Variants in NRXN3 observed in about 807,000 individuals in gnomAD.
NRXN3 encodes neurexin 3.
A neutral mutation model predicts 137.6 loss-of-function variants in NRXN3; 32 were observed. The ratio of observed to expected loss-of-function variants is 0.23; its 90% CI spans 0.18 to 0.31. The LOEUF (loss-of-function observed/expected upper bound fraction) is 0.31, where lower values mean the gene tolerates loss of function less well. Ranked by LOEUF, NRXN3 falls within the 10% of genes least tolerant of loss-of-function variation. NRXN3 has a pLI of 1.00. For missense variants in NRXN3, 1,574 were observed against 2,062.5 expected (o/e 0.76, Z 4.59); for synonymous variants, 798 against 784.5 (o/e 1.02, Z -0.29).
chr14:79,774,056 G>T (rs1399535565), intron 19 of NRXN3, among the ~76,000 whole-genome samples: 1 of 152,144 alleles, frequency 6.6e-6, no homozygotes, highest in Non-Finnish European at 1.5e-5. Flanking sequence ...ACTGTTCGCT[G>T]GCAGGAATGT....
At chr14:78,196,411 G>A (rs1361499518) in intron 1 of NRXN3, among the ~76,000 whole-genome samples, 5 of 152,222 alleles carry the variant, frequency 3.3e-5, no homozygotes, top group African/African-American at 1.2e-4. Context: ...GTTTATCTTG[G>A]TGATGAAAAG....
intron 15 of NRXN3, among the ~76,000 whole-genome samples, chr14:79,325,182 C>T (rs554790753): frequency 6.6e-6 from 1 of 152,044 alleles, no homozygotes; most frequent in East Asian, 1.9e-4. Flanking sequence ...TTGCTTACTT[C>T]TTTCCTTTAA....
intron 15 of NRXN3, among the ~76,000 whole-genome samples, chr14:79,302,597 TC>T (rs1467015782): frequency 1.3e-5 from 2 of 151,868 alleles, no homozygotes; most frequent in African/African-American, 4.8e-5. Flanking sequence ...TGAATTGCAA[TC>T]CCCATGTGCA....
chr14:79,526,861 A>T (rs2097125112), intron 16 of NRXN3, among the ~76,000 whole-genome samples: 1 of 152,260 alleles, frequency 6.6e-6, no homozygotes. Context: ...ATACAAAAAA[A>T]GAAAAGCCTC....
intron 15 of NRXN3, among the ~76,000 whole-genome samples, chr14:79,036,837 A>C (rs957272409): frequency 2.0e-5 from 3 of 151,952 alleles, no homozygotes; most frequent in Admixed American, 1.3e-4. Flanking sequence ...ACCAAAATGA[A>C]TGGAAGGGAA....
chr14:79,325,386 C>A (rs2090701465), intron 15 of NRXN3, among the ~76,000 whole-genome samples: 1 of 152,164 alleles, frequency 6.6e-6, no homozygotes. Context: ...ATGCTACATC[C>A]CACTTTACTC....
chr14:78,469,057 C>T (rs12435130), intron 4 of NRXN3, among the ~76,000 whole-genome samples: 14,259 of 152,032 alleles, frequency 0.094, 1,274 homozygotes, highest in African/African-American at 0.24. Context: ...TGGGACTCTT[C>T]CCACAAGGAG....
Position 78,243,380 on chromosome 14 carries a change from C to A in NRXN3, c.287C>A (p.Thr96Asn). 6.4e-7 allele frequency: 1 copy of A among 1,564,962 alleles called. No homozygotes were observed. Among genetic ancestry groups the A allele is most frequent in the South Asian group, 1.2e-5 (1 of 86,362 alleles). The change falls in exon 2 of 21, where the codon ACT (threonine) becomes AAT (asparagine). Residue 96 changes from threonine to asparagine, a missense_variant. By Grantham distance (65) the Thr-to-Asn change is moderately conservative. Coordinates refer to ENST00000335750, the MANE Select transcript of NRXN3 (RefSeq NM_001330195.2). The surrounding 1 kb of genome is among the most constrained non-coding windows in gnomAD (Gnocchi z 4.2). Reference sequence around the variant, plus strand: ...CGCTTCAGCATGGACTGTGCCGAGACTGCCGTGCTGTCCAACAAGCAGGTG... The same window carrying A: ...CGCTTCAGCATGGACTGTGCCGAGAATGCCGTGCTGTCCAACAAGCAGGTG... ...QLRFSMDCAE[T>N]AVLSNKQVND... is the part of the protein sequence containing the mutation.
At chr14:79,743,423 G>A (rs943852649) in intron 19 of NRXN3, among the ~76,000 whole-genome samples, 3 of 152,116 alleles carry the variant, frequency 2.0e-5, no homozygotes, top group Non-Finnish European at 4.4e-5. Context: ...AGAAGCTGGA[G>A]GGGAATGTAT....
At chr14:78,482,911 T>C (rs973403940) in intron 4 of NRXN3, among the ~76,000 whole-genome samples, 2 of 152,204 alleles carry the variant, frequency 1.3e-5, no homozygotes, top group African/African-American at 4.8e-5. Flanking sequence ...GATTTAGATG[T>C]CACCGTACTC....
At chr14:78,563,257 A>C (rs1340685394) in intron 4 of NRXN3, among the ~76,000 whole-genome samples, 1 of 152,228 alleles carries the variant, frequency 6.6e-6, no homozygotes, top group Non-Finnish European at 1.5e-5. Flanking sequence ...AGCAAGGCAA[A>C]GGGCTCTCCA....
intron 9 of NRXN3, among the ~76,000 whole-genome samples, chr14:78,805,334 G>A (rs1048889319): frequency 4.6e-5 from 7 of 151,642 alleles, no homozygotes; most frequent in Non-Finnish European, 7.4e-5. Context: ...TTTTGTGTGC[G>A]TGTGTTCCTG....
chr14:79,810,799 G>C (rs1212914203), intron 20 of NRXN3, among the ~76,000 whole-genome samples: 2 of 152,116 alleles, frequency 1.3e-5, no homozygotes, highest in Non-Finnish European at 2.9e-5. Flanking sequence ...TTATTTGCTG[G>C]AACATGGTAG....
At chr14:79,042,223 G>T (rs1408087814) in intron 15 of NRXN3, among the ~76,000 whole-genome samples, 1 of 152,138 alleles carries the variant, frequency 6.6e-6, no homozygotes, top group African/African-American at 2.4e-5. Flanking sequence ...ATATTCCAAC[G>T]ATTCCTATCA....
intron 14 of NRXN3, among the ~76,000 whole-genome samples, chr14:78,978,745 T>G (rs1204775739): frequency 6.8e-6 from 1 of 147,922 alleles, no homozygotes; most frequent in African/African-American, 2.5e-5. Flanking sequence ...TATTTAGATA[T>G]ATACATCTTA....
chr14:78,715,212 C>G (rs972416071), intron 8 of NRXN3, 73 bp downstream of exon 8: 1 of 1,541,828 alleles, frequency 6.5e-7, no homozygotes, highest in African/African-American at 1.4e-5. Flanking sequence ...CCCTGGGCAG[C>G]CCAAGCCTTC....
Position 79,864,687 on chromosome 14 carries a change from AT to A in NRXN3, c.*2725del, listed in dbSNP as rs1378509996. ...TCTGGAAAGATGATAGAAACATTGT[AT>A]TCTAGAAAAGATTATTGGATACTAT... is the stretch of plus-strand genomic sequence containing the variant. On this transcript the variant is annotated 3_prime_UTR_variant, in exon 21 of 21. Coordinates refer to ENST00000335750, the MANE Select transcript of NRXN3 (RefSeq NM_001330195.2). 6.6e-6 allele frequency: 1 copy of A among 152,144 alleles called. No homozygotes were observed. The highest frequency in any genetic ancestry group is 1.5e-5 in the Non-Finnish European group (1 of 68,018). 9.4% of individuals were successfully genotyped at this position (152,144 alleles called of 1,614,324 possible).
chr14:78,960,215 G>T (rs1435165754), intron 11 of NRXN3, among the ~76,000 whole-genome samples: 2 of 152,128 alleles, frequency 1.3e-5, no homozygotes, highest in African/African-American at 4.8e-5. Flanking sequence ...CAGCCAGAAG[G>T]ATAAAGAAAT....
At chr14:78,347,925 G>T (rs190695761) in intron 4 of NRXN3, among the ~76,000 whole-genome samples, 5 of 152,288 alleles carry the variant, frequency 3.3e-5, no homozygotes, top group Admixed American at 6.5e-5. Context: ...CGTTGCAGAA[G>T]GGTTTGTGGA....
Sources: gnomAD v4.1 joint callset for allele counts (sites outside exome capture counted in the v4.1 genomes callset) on GRCh38, gnomAD v4.1.1 for gene constraint, Gnocchi (gnomAD v3.1) non-coding constraint, MANE v1.5 for transcripts, NCBI Gene and HGNC (gene_info 2026-07-23, HGNC 2026-07-21) for gene names.